EFCAB6: variants seen among roughly 807,000 people sequenced by gnomAD.
EFCAB6 encodes EF-hand calcium-binding domain-containing protein 6.
Under a neutral mutation model 169.8 loss-of-function variants are expected in EFCAB6, and 156 were observed. The ratio of observed to expected loss-of-function variants is 0.92; its 90% CI spans 0.81 to 1.05. The LOEUF (loss-of-function observed/expected upper bound fraction) is 1.05, where lower values mean the gene tolerates loss of function less well. Ranked by LOEUF, EFCAB6 falls within the 50% of genes least tolerant of loss-of-function variation. The pLI is 0.00. For synonymous variants in EFCAB6, 698 were observed against 676.4 expected (o/e 1.03, Z -0.50); for missense variants, 1,800 against 1,829.1 (o/e 0.98, Z 0.29).
intron 17 of EFCAB6, among the ~76,000 whole-genome samples, chr22:43,659,325 G>C (rs2056896281): frequency 6.6e-6 from 1 of 152,084 alleles, no homozygotes; most frequent in Non-Finnish European, 1.5e-5. Flanking sequence ...TTTACAACTA[G>C]AGGAATACAA....
intron 26 of EFCAB6, among the ~76,000 whole-genome samples, chr22:43,575,348 A>T (rs1294395184): frequency 2.1e-5 from 3 of 141,766 alleles, no homozygotes; most frequent in African/African-American, 7.9e-5. Flanking sequence ...CAGCCACCAC[A>T]TCCGGCTATG....
At chr22:43,586,453 A>G (rs892486104) in intron 24 of EFCAB6, among the ~76,000 whole-genome samples, 26 of 142,000 alleles carry the variant, frequency 1.8e-4, no homozygotes, top group African/African-American at 6.8e-4. Flanking sequence ...GGCTCAAGGG[A>G]TAAACAATGT....
In EFCAB6 at chr22:43,537,416, C is replaced by T. The variant is rs142679598; in HGVS notation, c.4009G>A (p.Val1337Met). 1.7e-5 allele frequency: 27 copies of T among 1,614,014 alleles called. No homozygotes were observed. Among genetic ancestry groups the T allele is most frequent in the Middle Eastern group, 1.6e-4 (1 of 6,082 alleles). ...GCGTTGATGTCCCCCTGTCTGGCCA[C>T]GTCCTTCTCCTTGCATTCTTTCAGG... ...QLLKECKEKDVARQGDINASD... is the reference protein window; with the variant it reads ...QLLKECKEKDMARQGDINASD... The change falls in exon 29 of 32, where the codon GTG (valine) becomes ATG (methionine). Residue 1337 changes from valine (V) to methionine (M), a missense_variant. Transcript: ENST00000262726. The surrounding 1 kb of genome is among the most constrained non-coding windows in gnomAD (Gnocchi z 4.3).
At chr22:43,574,297 T>C (rs1242117737) in intron 26 of EFCAB6, among the ~76,000 whole-genome samples, 1 of 151,594 alleles carries the variant, frequency 6.6e-6, no homozygotes, top group Non-Finnish European at 1.5e-5. Flanking sequence ...CTCCACCATG[T>C]AAAAAAATGC....
intron 6 of EFCAB6, among the ~76,000 whole-genome samples, chr22:43,748,317 T>A (rs903022547): frequency 1.3e-5 from 2 of 152,192 alleles, no homozygotes; most frequent in African/African-American, 4.8e-5. Context: ...AGTCTACCTT[T>A]CAAAACTGAT....
chr22:43,530,278 G>A (rs2046980077), intron 31 of EFCAB6, among the ~76,000 whole-genome samples: 1 of 152,262 alleles, frequency 6.6e-6, no homozygotes, highest in African/African-American at 2.4e-5. Context: ...CCGAAGGAAA[G>A]AGGAACGTGA....
intron 8 of EFCAB6, among the ~76,000 whole-genome samples, chr22:43,727,161 G>A (rs766467796): frequency 3.3e-5 from 5 of 152,192 alleles, no homozygotes; most frequent in Admixed American, 6.5e-5. Context: ...AGTGGCTCAC[G>A]CCTGTAATCC....
At chr22:43,748,325 G>C (rs934769519) in intron 6 of EFCAB6, among the ~76,000 whole-genome samples, 2 of 152,172 alleles carry the variant, frequency 1.3e-5, no homozygotes, top group African/African-American at 4.8e-5. Flanking sequence ...TTTCAAAACT[G>C]ATCTGTCCCA....
Position 43,702,851 on chromosome 22 carries a change from C to A in EFCAB6, c.1031+8624G>T, listed in dbSNP as rs5763970. Reference sequence around the variant, plus strand: ...GCTAGCCTTCAAAACCAGCCTTAGACCCTACCCTGGGGCTTTTAGACATTA... The same window carrying A: ...GCTAGCCTTCAAAACCAGCCTTAGAACCTACCCTGGGGCTTTTAGACATTA... On this transcript the variant is annotated intron_variant, in intron 10 of 31. Coordinates refer to ENST00000262726, the MANE Select transcript of EFCAB6 (RefSeq NM_022785.4). Among the ~76,000 whole-genome samples the A allele has an allele frequency of 2.0e-4, 30 of 152,280 alleles. No individual in the cohort carries two copies. The East Asian group carries it at 5.0e-3, about 25-fold the overall frequency.
chr22:43,676,984 A>T lies in EFCAB6; in HGVS notation c.1419+1012T>A, dbSNP rs571896483. Among the ~76,000 whole-genome samples, 119 of 152,300 alleles carry T rather than the reference A, an allele frequency of 7.8e-4. 3 individuals carry two copies. The South Asian group carries it at 0.024, about 31-fold the overall frequency. ...TTAGGGAAATAGTGCATCTCGTGAT[A>T]TTACTGGTTTGATTTTGATTCATAG... On this transcript the variant is annotated intron_variant, in intron 13 of 31. Coordinates refer to ENST00000262726, the MANE Select transcript of EFCAB6 (RefSeq NM_022785.4).
chr22:43,785,974 CA>C (rs1569488633), intron 2 of EFCAB6, among the ~76,000 whole-genome samples: 1 of 152,130 alleles, frequency 6.6e-6, no homozygotes, highest in Admixed American at 6.5e-5. Context: ...AGAATTATGA[CA>C]AAAAGATTGA....
chr22:43,776,762 A>G (rs2097497), intron 3 of EFCAB6, among the ~76,000 whole-genome samples: 147,785 of 152,294 alleles, frequency 0.97, 71,747 homozygotes, highest in East Asian at 1. Flanking sequence ...CAGGGGAGGA[A>G]AAGGCCAGTC....
chr22:43,703,145 G>A (rs909595905), intron 10 of EFCAB6, among the ~76,000 whole-genome samples: 7 of 152,246 alleles, frequency 4.6e-5, no homozygotes, highest in Non-Finnish European at 7.4e-5. Flanking sequence ...ACATGGCCAG[G>A]AAATCTACTC....
At chr22:43,594,191 C>T in intron 23 of EFCAB6, among the ~76,000 whole-genome samples, 1 of 147,766 alleles carries the variant, frequency 6.8e-6, no homozygotes, top group Middle Eastern at 3.6e-3. Context: ...AGGAGAATCG[C>T]TTGAACCTGG....
chr22:43,642,619 A>G (rs2055876720), intron 17 of EFCAB6, among the ~76,000 whole-genome samples: 1 of 152,204 alleles, frequency 6.6e-6, no homozygotes, highest in Admixed American at 6.5e-5. Context: ...TATGGCTAGA[A>G]AATAATATGA....
intron 23 of EFCAB6, among the ~76,000 whole-genome samples, chr22:43,599,611 C>T (rs564393655): frequency 3.1e-4 from 44 of 142,890 alleles, no homozygotes; most frequent in African/African-American, 9.5e-4. Flanking sequence ...ATTATTTCTT[C>T]GGGATCAAGT....
intron 25 of EFCAB6, among the ~76,000 whole-genome samples, chr22:43,577,878 T>C (rs1410987115): frequency 1.3e-5 from 2 of 149,764 alleles, no homozygotes; most frequent in Non-Finnish European, 3.0e-5. Context: ...GGGATGTGAT[T>C]TACAAAAAAA....
At chr22:43,738,429 A>G (rs1488133042) in intron 6 of EFCAB6, among the ~76,000 whole-genome samples, 1 of 151,612 alleles carries the variant, frequency 6.6e-6, no homozygotes, top group East Asian at 1.9e-4. Flanking sequence ...ATACATTCAC[A>G]TACATATGCA....
chr22:43,808,242 G>T (rs1042523827), intron 2 of EFCAB6, among the ~76,000 whole-genome samples: 27 of 152,214 alleles, frequency 1.8e-4, no homozygotes, highest in African/African-American at 6.0e-4. Context: ...GGAGGATTAT[G>T]TAGGTTATAT....
Sources: allele counts gnomAD v4.1 joint callset (sites outside exome capture counted in the v4.1 genomes callset), GRCh38; gene constraint gnomAD v4.1.1; non-coding constraint Gnocchi (gnomAD v3.1); transcripts MANE v1.5; gene names NCBI Gene and HGNC (gene_info 2026-07-23, HGNC 2026-07-21).